The following SRPK1 variants were observed in gnomAD, a reference collection of about 807,000 sequenced individuals.
SRPK1 encodes SRSF protein kinase 1.
In SRPK1, 52 loss-of-function variants were observed where a neutral mutation model predicts 89.5. The observed-to-expected ratio is 0.58, with a 90% CI of 0.46 to 0.73. The LOEUF (loss-of-function observed/expected upper bound fraction) is 0.73, where lower values mean the gene tolerates loss of function less well. SRPK1 is among the 30% of genes least tolerant of loss of function. The probability of loss-of-function intolerance (pLI) is 0.00; values close to 1 mark genes in which losing one functional copy is unlikely to be tolerated. For synonymous variants in SRPK1, 255 were observed against 270.2 expected (o/e 0.94, Z 0.55); for missense variants, 603 against 780.6 (o/e 0.77, Z 2.71).
rs1055525547 is a variant in SRPK1, at chr6:35,837,729, A to T, written c.1783+608T>A. Among the ~76,000 whole-genome samples, 19 of 151,726 alleles carry T rather than the reference A, an allele frequency of 1.3e-4. No homozygotes were observed. The East Asian group carries it at 1.4e-3, about 11-fold the overall frequency. On this transcript the variant is annotated intron_variant, in intron 15 of 15. Transcript: ENST00000373825. Reference sequence around the variant, plus strand: ...TACCACCATGCCCAGTTAATTAAAAATTTTTTTTTGTAGAGACAGGGTTTT... The same window carrying T: ...TACCACCATGCCCAGTTAATTAAAATTTTTTTTTTGTAGAGACAGGGTTTT...
chr6:35,915,316 A>G (rs1304509326), intron 2 of SRPK1, among the ~76,000 whole-genome samples: 1 of 151,052 alleles, frequency 6.6e-6, no homozygotes, highest in African/African-American at 2.4e-5. Context: ...CTGAGGCAGG[A>G]GAATGGCATG....
intron 13 of SRPK1, among the ~76,000 whole-genome samples, chr6:35,856,223 G>A (rs570325026): frequency 2.0e-5 from 3 of 152,312 alleles, no homozygotes; most frequent in Admixed American, 6.5e-5. Flanking sequence ...AAGCTTGGGT[G>A]AGCATCCCTC....
rs1174286607 is a variant in SRPK1, at chr6:35,870,872, C to T, written c.777+62G>A. Reference sequence around the variant, plus strand: ...TGAAACAAACTGTTACCATCCACAACAGAAGAACCCATGCCCATAGTCCAT... The same window carrying T: ...TGAAACAAACTGTTACCATCCACAATAGAAGAACCCATGCCCATAGTCCAT... On this transcript the variant is annotated intron_variant, in intron 9 of 15. Transcript: ENST00000373825. 2.9e-6 allele frequency: 4 copies of T among 1,379,832 alleles called. No individual in the cohort carries two copies. In the African/African-American group the frequency reaches 5.9e-5, roughly 20 times the overall value. 85.5% of individuals were successfully genotyped at this position (1,379,832 alleles called of 1,614,324 possible).
intron 13 of SRPK1, among the ~76,000 whole-genome samples, chr6:35,846,009 G>A (rs1311566090): frequency 2.6e-5 from 4 of 152,242 alleles, no homozygotes; most frequent in Non-Finnish European, 1.5e-5. Context: ...TTCCAGAGCA[G>A]GGCTGGAGGC....
intron 13 of SRPK1, among the ~76,000 whole-genome samples, chr6:35,846,475 C>G (rs1444268055): frequency 6.6e-6 from 1 of 151,228 alleles, no homozygotes; most frequent in African/African-American, 2.4e-5. Context: ...GCCTGTGGTC[C>G]CAGCTACTCA....
chr6:35,894,015 A>G (rs976027173), intron 2 of SRPK1, among the ~76,000 whole-genome samples: 4 of 152,118 alleles, frequency 2.6e-5, no homozygotes, highest in Admixed American at 1.3e-4. Context: ...TGTCTCAAAT[A>G]AAAGAAAAAA....
chr6:35,920,414 GAGA>G (rs1220149445), intron 2 of SRPK1, 51 bp downstream of exon 2: 5 of 1,596,440 alleles, frequency 3.1e-6, no homozygotes, highest in East Asian at 4.5e-5. Context: ...AACCAGAGCA[GAGA>G]AGGTGCCGGA....
chr6:35,884,028 C>T lies in SRPK1; in HGVS notation c.478+2696G>A, dbSNP rs183182318. Among the ~76,000 whole-genome samples the T allele has an allele frequency of 5.5e-3, 833 of 152,032 alleles. 4 individuals carry two copies. The highest frequency in any genetic ancestry group is 8.8e-3 in the Non-Finnish European group (598 of 67,984). ...GATTACAGGTGTGAGCCACTGCACC[C>T]GGCCCACAAGGTTATATTTTTAAAA... On this transcript the variant is annotated intron_variant, in intron 6 of 15. Coordinates refer to ENST00000373825, the MANE Select transcript of SRPK1 (RefSeq NM_003137.5).
intron 13 of SRPK1, among the ~76,000 whole-genome samples, chr6:35,851,841 G>A (rs1769562944): frequency 6.6e-6 from 1 of 152,142 alleles, no homozygotes; most frequent in Non-Finnish European, 1.5e-5. Context: ...TTAAGAGGAA[G>A]GGCCTATCTA....
chr6:35,903,041 C>T (rs985394599), intron 2 of SRPK1, among the ~76,000 whole-genome samples: 2 of 151,210 alleles, frequency 1.3e-5, no homozygotes, highest in African/African-American at 2.4e-5. Context: ...CACTTTGGGA[C>T]GCCAAGGTGA....
At chr6:35,868,064 C>A (rs1395493874) in intron 12 of SRPK1, among the ~76,000 whole-genome samples, 1 of 151,978 alleles carries the variant, frequency 6.6e-6, no homozygotes, top group African/African-American at 2.4e-5. Context: ...CCTCTGCCTG[C>A]CAGGTTCAAG....
intron 13 of SRPK1, chr6:35,856,919 G>A (rs1481851003): frequency 2.2e-5 from 4 of 185,312 alleles, no homozygotes; most frequent in East Asian, 1.4e-4. Context: ...GGGTTTCTTT[G>A]GTCTGAAAAT....
rs1429867926 is a variant in SRPK1 at position 35,915,975 on chromosome 6, AAC to A, written c.74+4491_74+4492del. Among the ~76,000 whole-genome samples, 108 of 104,030 alleles carry A rather than the reference AAC, an allele frequency of 1.0e-3. 4 individuals carry two copies. Among genetic ancestry groups the A allele is most frequent in the South Asian group, 4.3e-3 (14 of 3,280 alleles). 68.2% of individuals were successfully genotyped at this position (104,030 alleles called of 152,430 possible). A position where few individuals can be genotyped will look rare whatever the true frequency, so the allele number is the denominator to read the frequency against. The stretch of plus-strand genomic sequence containing the variant: ...CGACAGAACGAGACTCTGTCTCAAA[AAC>A]AAAAAAAAAAAAAAATATATACACA... On this transcript the variant is annotated intron_variant, in intron 2 of 15. Coordinates refer to ENST00000373825, the MANE Select transcript of SRPK1 (RefSeq NM_003137.5).
chr6:35,912,483 AGACAT>A (rs1307584033), intron 2 of SRPK1, among the ~76,000 whole-genome samples: 10 of 152,258 alleles, frequency 6.6e-5, no homozygotes, highest in African/African-American at 1.9e-4. Flanking sequence ...CATTTTTAAA[AGACAT>A]GACGCTACTG....
intron 2 of SRPK1, among the ~76,000 whole-genome samples, chr6:35,901,106 T>C (rs961690935): frequency 6.6e-6 from 1 of 152,236 alleles, no homozygotes; most frequent in Non-Finnish European, 1.5e-5. Context: ...TTTTCTGTCT[T>C]GGGAGTGGGG....
intron 2 of SRPK1, among the ~76,000 whole-genome samples, chr6:35,893,563 C>T (rs1442851780): frequency 1.3e-5 from 2 of 152,014 alleles, no homozygotes; most frequent in African/African-American, 4.8e-5. Context: ...AGCAGACAGA[C>T]TGGTATTTAT....
intron 2 of SRPK1, among the ~76,000 whole-genome samples, chr6:35,902,253 GA>G (rs1192426663): frequency 9.7e-5 from 13 of 134,538 alleles, no homozygotes; most frequent in Non-Finnish European, 1.1e-4. Context: ...AAAAAAAAAA[GA>G]AAAAAAAGAT....
chr6:35,907,714 A>T (rs995557336), intron 2 of SRPK1, among the ~76,000 whole-genome samples: 2 of 152,090 alleles, frequency 1.3e-5, no homozygotes, highest in South Asian at 4.1e-4. Context: ...TCAAAAAATA[A>T]AAAATAAAAA....
intron 6 of SRPK1, among the ~76,000 whole-genome samples, chr6:35,881,624 T>C (rs752627922): frequency 6.6e-6 from 1 of 151,676 alleles, no homozygotes; most frequent in Non-Finnish European, 1.5e-5. Context: ...ACAAAATAGA[T>C]TTTCAATCAG....
Sources: allele counts gnomAD v4.1 joint callset (sites outside exome capture counted in the v4.1 genomes callset), GRCh38; gene constraint gnomAD v4.1.1; transcripts MANE v1.5; gene names NCBI Gene and HGNC (gene_info 2026-07-23, HGNC 2026-07-21).